Variants in RSAD2 observed in about 807,000 individuals in gnomAD.
RSAD2 encodes the protein radical S-adenosyl methionine domain containing 2, also known as S-adenosylmethionine-dependent nucleotide dehydratase RSAD2.
RSAD2 carries 38 observed loss-of-function variants against 37.7 expected under a neutral mutation model. That is an observed-to-expected ratio of 1.01 (90% CI 0.78 to 1.32). RSAD2 has a LOEUF of 1.32. RSAD2 is among the 40% of genes most tolerant of loss of function. The pLI is 0.00. For missense variants in RSAD2, 428 were observed against 437.5 expected, an observed-to-expected ratio of 0.98 and a Z score of 0.19; for synonymous variants, 163 against 157.4, an observed-to-expected ratio of 1.04 and a Z score of -0.27.
upstream of RSAD2, chr2:6,876,754 T>TG (rs1167440583): frequency 2.0e-5 from 3 of 152,228 alleles, no homozygotes; most frequent in Admixed American, 2.0e-4. Context: ...TAACCCTAAC[T>TG]GAACACTTAA....
rs189344406 is a variant in RSAD2 at position 6,887,157 on chromosome 2, G to T, written c.731G>T (p.Arg244Leu). ...TEQIKALNPVRWKVFQCLLIE... is the reference protein window; with the variant it reads ...TEQIKALNPVLWKVFQCLLIE... ...CAGATCAAAGCACTAAACCCTGTCC[G>T]CTGGAAAGTAAGTACACAAGGTCGC... The change falls in exon 3 of 6, where the codon CGC becomes CTC. Residue 244 changes from arginine to leucine, a missense_variant. Transcript: ENST00000382040. The T allele has an allele frequency of 9.3e-6, 15 of 1,611,098 alleles. No homozygotes were observed. In the East Asian group the frequency reaches 1.1e-4, roughly 12 times the overall value.
At chr2:6,868,612 A>G (rs1475497391) in intron 1 of RSAD2, among the ~76,000 whole-genome samples, 2 of 152,242 alleles carry the variant, frequency 1.3e-5, no homozygotes, top group Non-Finnish European at 2.9e-5. Context: ...CTTAGTTATC[A>G]AGGAACAGAT....
chr2:6,880,851 T>C (rs1029931565), intron 1 of RSAD2, among the ~76,000 whole-genome samples: 4 of 151,474 alleles, frequency 2.6e-5, no homozygotes, highest in African/African-American at 9.7e-5. Context: ...AAAATTAAAA[T>C]TTACTATTCT....
chr2:6,874,214 T>G (rs1010037651), upstream of RSAD2, among the ~76,000 whole-genome samples: 19 of 152,220 alleles, frequency 1.2e-4, no homozygotes, highest in East Asian at 3.7e-3. Context: ...ATTTTAAGTT[T>G]CCTGAGGCCT....
intron 1 of RSAD2, 126 bp from the exon 2 acceptor site, chr2:6,883,245 T>C: frequency 2.0e-6 from 2 of 1,013,016 alleles, no homozygotes; most frequent in Non-Finnish European, 2.9e-6. Flanking sequence ...GGAACTAGGG[T>C]TAGGGGAGGG....
At chr2:6,881,126 C>CA (rs1328257546) in intron 1 of RSAD2, among the ~76,000 whole-genome samples, 2 of 152,156 alleles carry the variant, frequency 1.3e-5, no homozygotes, top group Admixed American at 1.3e-4. Flanking sequence ...AGTTTTGTGC[C>CA]ACTGGCCAGG....
At chr2:6,881,371 C>T (rs1050137948) in intron 1 of RSAD2, among the ~76,000 whole-genome samples, 11 of 152,182 alleles carry the variant, frequency 7.2e-5, no homozygotes, top group African/African-American at 2.7e-4. Context: ...CTACCATAAA[C>T]CAAAACTGTT....
At chr2:6,883,839 A>C in intron 2 of RSAD2, 1 of 274,188 alleles carries the variant, frequency 3.6e-6, no homozygotes, top group African/African-American at 2.2e-5. Context: ...TAGGTAGGAA[A>C]ATTAACACAT....
At chr2:6,875,290 A>C (rs958757542), upstream of RSAD2, among the ~76,000 whole-genome samples, 6 of 152,312 alleles carry the variant, frequency 3.9e-5, no homozygotes, top group Non-Finnish European at 7.3e-5. Flanking sequence ...GATAAAGTTT[A>C]CCAGCCCTCT....
At chr2:6,875,622 C>T (rs1663268362), upstream of RSAD2, among the ~76,000 whole-genome samples, 1 of 152,188 alleles carries the variant, frequency 6.6e-6, no homozygotes, top group South Asian at 2.1e-4. Flanking sequence ...AGAAACATTC[C>T]AGGCCCATAT....
chr2:6,895,637 G>T (rs964898784), intron 5 of RSAD2, 141 bp from the exon 6 acceptor site: 34 of 773,458 alleles, frequency 4.4e-5, no homozygotes, highest in Non-Finnish European at 6.5e-5. Context: ...GGTCCAAGGG[G>T]TTCAATATCA....
chr2:6,874,280 T>C (rs997696120), upstream of RSAD2, among the ~76,000 whole-genome samples: 2 of 152,194 alleles, frequency 1.3e-5, no homozygotes, highest in Admixed American at 6.6e-5. Flanking sequence ...TGCATAAGAA[T>C]GAGCCAATTC....
upstream of RSAD2, chr2:6,877,763 GGCA>G: frequency 6.6e-7 from 1 of 1,517,300 alleles, no homozygotes; most frequent in East Asian, 2.3e-5. Context: ...GAGAGTCCCT[GGCA>G]TACAGAGACT....
intron 3 of RSAD2, among the ~76,000 whole-genome samples, chr2:6,888,392 TAAAG>T (rs1663564667): frequency 1.3e-5 from 2 of 152,132 alleles, no homozygotes; most frequent in Admixed American, 6.5e-5. Context: ...GGAGAAAAGC[TAAAG>T]AGAGAGGTCT....
At chr2:6,877,755 G>C, upstream of RSAD2, 2 of 1,440,902 alleles carry the variant, frequency 1.4e-6, no homozygotes, top group African/African-American at 1.4e-5. Context: ...TATATAAAGA[G>C]AGTCCCTGGC....
At chr2:6,880,872 G>C (rs1305694467) in intron 1 of RSAD2, among the ~76,000 whole-genome samples, 4 of 151,392 alleles carry the variant, frequency 2.6e-5, no homozygotes, top group Non-Finnish European at 5.9e-5. Context: ...GGCTAAAGAT[G>C]CTCCTAAAAT....
chr2:6,891,337 C>T (rs1400735202), intron 4 of RSAD2, among the ~76,000 whole-genome samples: 1 of 152,136 alleles, frequency 6.6e-6, no homozygotes, highest in African/African-American at 2.4e-5. Context: ...ATTATTGCAA[C>T]TTTCCTAGAA....
intron 5 of RSAD2, 104 bp from the exon 6 acceptor site, chr2:6,895,674 G>A (rs951757552): frequency 3.7e-5 from 39 of 1,049,772 alleles, no homozygotes; most frequent in African/African-American, 8.0e-5. Flanking sequence ...GATACCTGTC[G>A]ACATGACTGG....
chr2:6,884,084 C>T (rs1203440087), intron 2 of RSAD2, among the ~76,000 whole-genome samples: 6 of 152,230 alleles, frequency 3.9e-5, no homozygotes, highest in Admixed American at 3.9e-4. Context: ...GCTTGGAAAA[C>T]ATTAGCTCTT....
Sources: allele counts gnomAD v4.1 joint callset (sites outside exome capture counted in the v4.1 genomes callset), GRCh38; gene constraint gnomAD v4.1.1; transcripts MANE v1.5; gene names NCBI Gene and HGNC (gene_info 2026-07-23, HGNC 2026-07-21).